VPS13B: variants seen among roughly 807,000 people sequenced by gnomAD.
VPS13B encodes vacuolar protein sorting 13 homolog B.
In VPS13B, 285 loss-of-function variants were observed where a neutral mutation model predicts 426.4. The observed-to-expected ratio is 0.67, with a 90% CI of 0.61 to 0.74. The LOEUF is 0.74. Among genes scored for constraint, VPS13B ranks in the 30% least tolerant of loss-of-function variants. The pLI is 0.00. For synonymous variants in VPS13B, 1,676 were observed against 1,676.4 expected (o/e 1.00, Z 0.01); for missense variants, 4,537 against 4,782.6 (o/e 0.95, Z 1.51).
chr8:99,835,410 T>TG, intron 53 of VPS13B, 86 bp downstream of exon 53: 1 of 1,510,694 alleles, frequency 6.6e-7, no homozygotes, highest in Non-Finnish European at 9.1e-7. Flanking sequence ...TGTGATCCTG[T>TG]GAAAAAAATA....
intron 16 of VPS13B, among the ~76,000 whole-genome samples, chr8:99,183,282 G>A (rs906521970): frequency 2.6e-5 from 4 of 151,928 alleles, no homozygotes; most frequent in Admixed American, 6.6e-5. Context: ...CTCTATTGAC[G>A]GTATATTGAA....
chr8:99,391,787 T>C, intron 21 of VPS13B, 83 bp downstream of exon 21: 1 of 1,530,198 alleles, frequency 6.5e-7, no homozygotes, highest in South Asian at 1.2e-5. Context: ...TCATGGATGC[T>C]GGCCAAAGAC....
chr8:99,706,725 T>G (rs959155702), intron 36 of VPS13B, among the ~76,000 whole-genome samples: 1 of 152,172 alleles, frequency 6.6e-6, no homozygotes, highest in African/African-American at 2.4e-5. Context: ...AATAATTAAG[T>G]ACTAGAGACT....
chr8:99,739,281 C>T (rs978239299), intron 39 of VPS13B, among the ~76,000 whole-genome samples: 3 of 152,172 alleles, frequency 2.0e-5, no homozygotes, highest in Non-Finnish European at 2.9e-5. Flanking sequence ...GGGGGAGGGG[C>T]GCCCGCCATT....
At chr8:99,166,815 T>A (rs1812032878) in intron 15 of VPS13B, among the ~76,000 whole-genome samples, 1 of 152,182 alleles carries the variant, frequency 6.6e-6, no homozygotes, top group Non-Finnish European at 1.5e-5. Flanking sequence ...CAGAAGCTAC[T>A]ACAGAGCTAT....
chr8:99,171,555 C>G (rs1812333992), intron 16 of VPS13B, among the ~76,000 whole-genome samples: 1 of 151,794 alleles, frequency 6.6e-6, no homozygotes, highest in African/African-American at 2.4e-5. Flanking sequence ...TTGAAGGATA[C>G]AAAGAGGGTA....
chr8:99,032,049 G>A (rs1842529381), intron 2 of VPS13B, among the ~76,000 whole-genome samples: 1 of 152,228 alleles, frequency 6.6e-6, no homozygotes, highest in African/African-American at 2.4e-5. Flanking sequence ...CTGTAGCTTG[G>A]ATTGCAAGTA....
chr8:99,578,474 A>G (rs1825878506), intron 33 of VPS13B, among the ~76,000 whole-genome samples: 1 of 152,078 alleles, frequency 6.6e-6, no homozygotes, highest in Non-Finnish European at 1.5e-5. Context: ...CTTTATTTTT[A>G]AAAAAATTAT....
intron 21 of VPS13B, among the ~76,000 whole-genome samples, chr8:99,416,677 C>T (rs1307135251): frequency 6.6e-6 from 1 of 152,130 alleles, no homozygotes; most frequent in Non-Finnish European, 1.5e-5. Context: ...GGAGGGCATT[C>T]CCTGACCCTT....
chr8:99,810,114 T>C (rs1209849013), intron 44 of VPS13B, among the ~76,000 whole-genome samples: 1 of 152,196 alleles, frequency 6.6e-6, no homozygotes, highest in African/African-American at 2.4e-5. Context: ...AAACTTGCTT[T>C]TTGGCTGTTT....
At chr8:99,808,152 C>G (rs897247247) in intron 43 of VPS13B, among the ~76,000 whole-genome samples, 1 of 152,002 alleles carries the variant, frequency 6.6e-6, no homozygotes, top group Non-Finnish European at 1.5e-5. Context: ...TTGGTTAGCT[C>G]TGTTAAAAAA....
chr8:99,310,352 G>A (rs191230626), intron 19 of VPS13B, among the ~76,000 whole-genome samples: 198 of 152,240 alleles, frequency 1.3e-3, no homozygotes, highest in African/African-American at 4.3e-3. Context: ...TTTGAGATAC[G>A]TCCCATCAAT....
intron 35 of VPS13B, among the ~76,000 whole-genome samples, chr8:99,662,356 T>C (rs1830263306): frequency 6.6e-6 from 1 of 152,192 alleles, no homozygotes. Flanking sequence ...ATTTCACTTT[T>C]TGTTTTGTTA....
At chr8:99,435,621 A>G (rs969990584) in intron 22 of VPS13B, among the ~76,000 whole-genome samples, 1 of 152,204 alleles carries the variant, frequency 6.6e-6, no homozygotes, top group Non-Finnish European at 1.5e-5. Flanking sequence ...AATTATTGAA[A>G]TATATAACAC....
intron 21 of VPS13B, among the ~76,000 whole-genome samples, chr8:99,430,908 G>A (rs1027283572): frequency 1.3e-5 from 2 of 152,064 alleles, no homozygotes; most frequent in African/African-American, 4.8e-5. Flanking sequence ...AGTAGAGACG[G>A]GGTTTCACCA....
intron 23 of VPS13B, among the ~76,000 whole-genome samples, chr8:99,447,118 A>T (rs1368796845): frequency 6.6e-6 from 1 of 152,078 alleles, no homozygotes; most frequent in East Asian, 1.9e-4. Context: ...TTTCTGTGCT[A>T]CTTATTTTCC....
At chr8:99,762,260 C>T (rs1810971774) in intron 39 of VPS13B, among the ~76,000 whole-genome samples, 3 of 152,056 alleles carry the variant, frequency 2.0e-5, no homozygotes, top group African/African-American at 7.2e-5. Flanking sequence ...TCCTGGGCTC[C>T]AGCAATCCTC....
At chr8:99,754,706 T>C (rs1210692142) in intron 39 of VPS13B, among the ~76,000 whole-genome samples, 2 of 152,224 alleles carry the variant, frequency 1.3e-5, no homozygotes, top group African/African-American at 2.4e-5. Context: ...CTAGTACTTT[T>C]CTCTTTGGGG....
intron 28 of VPS13B, among the ~76,000 whole-genome samples, chr8:99,509,201 T>G (rs1055822230): frequency 1.3e-5 from 2 of 152,194 alleles, no homozygotes; most frequent in Non-Finnish European, 2.9e-5. Context: ...CTGTTATTGC[T>G]CATTGTCCAG....
Sources: allele counts gnomAD v4.1 joint callset (sites outside exome capture counted in the v4.1 genomes callset), GRCh38; gene constraint gnomAD v4.1.1; transcripts MANE v1.5; gene names NCBI Gene and HGNC (gene_info 2026-07-23, HGNC 2026-07-21).